NPAT: variants seen among roughly 807,000 people sequenced by gnomAD.
NPAT encodes protein NPAT.
In NPAT, 52 loss-of-function variants were observed where a neutral mutation model predicts 130.7. The observed-to-expected ratio is 0.40, with a 90% CI of 0.32 to 0.50. The LOEUF is 0.50. Ranked by LOEUF, NPAT falls within the 20% of genes least tolerant of loss-of-function variation. The pLI is 0.68. For missense variants in NPAT, 1,687 were observed against 1,662.6 expected (o/e 1.01, Z -0.26); for synonymous variants, 580 against 584.8 (o/e 0.99, Z 0.12).
Position 108,222,384 on chromosome 11 carries a change from T to C in NPAT, c.37+116A>G, listed in dbSNP as rs564550158. On this transcript the variant is annotated intron_variant, in intron 1 of 17. Transcript: ENST00000278612. ...AAGAATCACCGCCAGTCTCAACTCG[T>C]AAGCTGGGAGGCAAAACCCCAAAGC... 131 of 1,099,674 alleles carry C rather than the reference T, an allele frequency of 1.2e-4. No individual in the cohort carries two copies. In the Middle Eastern group the frequency reaches 2.4e-3, roughly 21 times the overall value. 68.1% of individuals were successfully genotyped at this position (1,099,674 alleles called of 1,614,324 possible). A position where few individuals can be genotyped will look rare whatever the true frequency, so the allele number is the denominator to read the frequency against.
At chr11:108,182,083 G>C (rs765336978) in intron 10 of NPAT, among the ~76,000 whole-genome samples, 8 of 152,130 alleles carry the variant, frequency 5.3e-5, no homozygotes, top group Non-Finnish European at 1.0e-4. Context: ...ATTGCATAGA[G>C]AGAGCTGTGT....
intron 1 of NPAT, among the ~76,000 whole-genome samples, chr11:108,218,777 C>T (rs1224590107): frequency 2.0e-5 from 3 of 152,100 alleles, no homozygotes; most frequent in East Asian, 3.8e-4. Context: ...TATATGCAAT[C>T]ATATTTGGGG....
At chr11:108,197,209 T>G in intron 2 of NPAT, 93 bp downstream of exon 2, 1 of 950,866 alleles carries the variant, frequency 1.1e-6, no homozygotes, top group Non-Finnish European at 1.7e-6. Flanking sequence ...TTCTGCCAAT[T>G]TCAATTTTTT....
intron 1 of NPAT, among the ~76,000 whole-genome samples, chr11:108,212,074 TAA>T (rs199812156): frequency 1.4e-5 from 2 of 142,808 alleles, no homozygotes; most frequent in African/African-American, 2.5e-5. Flanking sequence ...AGTTATCTAT[TAA>T]AAAAAAAAAA....
intron 10 of NPAT, among the ~76,000 whole-genome samples, chr11:108,181,372 G>A (rs1189377161): frequency 2.0e-5 from 3 of 152,168 alleles, no homozygotes; most frequent in South Asian, 2.1e-4. Context: ...GGCTGAAGCA[G>A]GAGAATCGCT....
At position 108,158,589 on chromosome 11, in the gene NPAT, A is replaced by T. The variant is rs1338149940; in HGVS notation, c.*353T>A. The T allele has an allele frequency of 5.6e-6, 1 of 180,010 alleles. No homozygotes were observed. The highest frequency in any genetic ancestry group is 1.2e-5 in the Non-Finnish European group (1 of 85,056). The allele number at this position is 180,010 out of a possible 1,614,324, so 11.2% of individuals were successfully genotyped here. A position where few individuals can be genotyped will look rare whatever the true frequency, so the allele number is the denominator to read the frequency against. The stretch of plus-strand genomic sequence containing the variant: ...TTCCAGATGAGTAAGTCTCAGAATT[A>T]GGGATCATAAGAAGTCAAAAAACAC... On this transcript the variant is annotated 3_prime_UTR_variant, in exon 18 of 18. Coordinates refer to ENST00000278612, the MANE Select transcript of NPAT (RefSeq NM_002519.3).
In NPAT at chr11:108,161,530, G is replaced by T; in HGVS notation, c.3556C>A (p.Leu1186Ile). The T allele has an allele frequency of 6.2e-7, 1 of 1,614,186 alleles. No homozygotes were observed. Among genetic ancestry groups the T allele is most frequent in the Non-Finnish European group, 8.5e-7 (1 of 1,180,024 alleles). ...ERQKNPENSK[L>I]SIGQQNGGLR... ...CCCCCATTTTGCTGCCCAATAGATA[G>T]TTTTGAATTTTCTGGATTTTTCTGT... Residue 1186 changes from leucine (L) to isoleucine (I), a missense_variant, in exon 17 of 18, where the codon CTA becomes ATA. This residue lies in a region of NPAT where 1,379 missense variants were observed against 1,346.6 expected (regional missense o/e 1.02). Coordinates refer to ENST00000278612, the MANE Select transcript of NPAT (RefSeq NM_002519.3).
At chr11:108,192,961 AAAAC>A (rs201604114) in intron 3 of NPAT, among the ~76,000 whole-genome samples, 3,319 of 152,288 alleles carry the variant, frequency 0.022, 123 homozygotes, top group African/African-American at 0.075. Context: ...TCTCAAAAAA[AAAAC>A]AAACAAAGAA....
At chr11:108,193,167 C>G (rs146013350) in intron 3 of NPAT, among the ~76,000 whole-genome samples, 2,154 of 152,262 alleles carry the variant, frequency 0.014, 25 homozygotes, top group Middle Eastern at 0.068. Context: ...AACTTTCCCT[C>G]TAAAACATCC....
chr11:108,190,329 A>G (rs1591402971), intron 5 of NPAT, 131 bp downstream of exon 5: 2 of 612,172 alleles, frequency 3.3e-6, no homozygotes, highest in Non-Finnish European at 5.5e-6. Flanking sequence ...AAAAAAAAAA[A>G]AAAAAAAAGA....
intron 15 of NPAT, among the ~76,000 whole-genome samples, chr11:108,165,472 A>ATTTTTT (rs377194780): frequency 7.7e-6 from 1 of 129,782 alleles, no homozygotes; most frequent in African/African-American, 3.0e-5. Flanking sequence ...ATATATATAT[A>ATTTTTT]TTTTTTTTTT....
intron 10 of NPAT, among the ~76,000 whole-genome samples, chr11:108,179,459 C>G (rs917748367): frequency 6.6e-6 from 1 of 152,084 alleles, no homozygotes; most frequent in Non-Finnish European, 1.5e-5. Context: ...TGGCTAGTCT[C>G]GAACCCCTGA....
At chr11:108,199,295 T>C (rs1416636083) in intron 1 of NPAT, among the ~76,000 whole-genome samples, 1 of 152,140 alleles carries the variant, frequency 6.6e-6, no homozygotes, top group African/African-American at 2.4e-5. Context: ...ATGGCACAAC[T>C]GGACCAGCTG....
chr11:108,184,609 C>A (rs1157927854), intron 10 of NPAT, among the ~76,000 whole-genome samples: 2 of 152,166 alleles, frequency 1.3e-5, no homozygotes, highest in Non-Finnish European at 2.9e-5. Context: ...CCGCTTACTG[C>A]AACCTCCGCC....
At chr11:108,189,826 C>T (rs1319525530) in intron 5 of NPAT, among the ~76,000 whole-genome samples, 1 of 143,066 alleles carries the variant, frequency 7.0e-6, no homozygotes, top group Non-Finnish European at 1.5e-5. Flanking sequence ...GCCGAGATCG[C>T]GCCACTGCAC....
At chr11:108,159,673 AATGCT>A (rs1181908531) in intron 17 of NPAT, among the ~76,000 whole-genome samples, 2 of 152,170 alleles carry the variant, frequency 1.3e-5, no homozygotes, top group Non-Finnish European at 2.9e-5. Context: ...TTCATTTATC[AATGCT>A]ATCCCTGCAC....
At chr11:108,162,973 A>G (rs2077866878) in intron 15 of NPAT, among the ~76,000 whole-genome samples, 2 of 152,248 alleles carry the variant, frequency 1.3e-5, no homozygotes, top group African/African-American at 4.8e-5. Context: ...GAGCAGCAAG[A>G]TATCAAAACT....
At chr11:108,177,881 C>T (rs1166172982) in intron 10 of NPAT, among the ~76,000 whole-genome samples, 1 of 152,008 alleles carries the variant, frequency 6.6e-6, no homozygotes, top group Admixed American at 6.6e-5. Context: ...CCACCACATC[C>T]AGCTAGTTTT....
chr11:108,184,633 G>A (rs2078088852), intron 10 of NPAT, among the ~76,000 whole-genome samples: 3 of 152,194 alleles, frequency 2.0e-5, no homozygotes. Context: ...CCAGATTCAA[G>A]GATTCTCCTG....
Sources: gnomAD v4.1 joint callset for allele counts (sites outside exome capture counted in the v4.1 genomes callset) on GRCh38, gnomAD v4.1.1 for gene constraint, gnomAD v4.1.1 regional missense constraint, MANE v1.5 for transcripts, NCBI Gene and HGNC (gene_info 2026-07-23, HGNC 2026-07-21) for gene names.